Variants in RASAL1 observed in about 807,000 individuals in gnomAD.
The protein encoded by RASAL1 is RAS protein activator like 1.
RASAL1 carries 72 observed loss-of-function variants against 96.6 expected under a neutral mutation model. That is an observed-to-expected ratio of 0.75 (90% CI 0.62 to 0.91). RASAL1 has a LOEUF of 0.91. Among genes scored for constraint, RASAL1 ranks in the 40% least tolerant of loss-of-function variants. The pLI is 0.00. For synonymous variants in RASAL1, 405 were observed against 430.4 expected (o/e 0.94, Z 0.73); for missense variants, 1,016 against 1,072.5 (o/e 0.95, Z 0.74).
intron 20 of RASAL1, among the ~76,000 whole-genome samples, chr12:113,100,390 C>A (rs1371134098): frequency 2.0e-5 from 3 of 152,172 alleles, no homozygotes; most frequent in African/African-American, 7.2e-5. Flanking sequence ...CCTCCACCTC[C>A]TGGGCTCAAG....
intron 16 of RASAL1, 39 bp downstream of exon 16, chr12:113,105,675 C>G (rs1950618023): frequency 6.5e-7 from 1 of 1,536,170 alleles, no homozygotes; most frequent in African/African-American, 1.4e-5. Context: ...TGAAAAAGGC[C>G]ACCCCTGGAA....
In RASAL1 at chr12:113,128,121, G is replaced by A. The variant is rs913700163; in HGVS notation, c.180C>T (p.His60=). Residue 60 remains histidine, a synonymous_variant, in exon 3 of 21, where the codon CAC becomes CAT. Transcript: ENST00000548055. ...CCAGCTGGTGGAAATCCAGAGGCAG[G>A]TGCACCGTGTACTCCTCCCCCCAGA... ...GPFWGEEYTV[H]LPLDFHQLAF... is the part of the protein sequence containing the mutation. The A allele has an allele frequency of 6.2e-7, 1 of 1,613,920 alleles. No homozygotes were observed. The highest frequency in any genetic ancestry group is 8.5e-7 in the Non-Finnish European group (1 of 1,179,986).
chr12:113,102,987 C>A, intron 18 of RASAL1: 1 of 227,314 alleles, frequency 4.4e-6, no homozygotes, highest in South Asian at 4.7e-5. Context: ...CTGCTCTACT[C>A]AGGTCACATT....
intron 4 of RASAL1, 81 bp from the exon 5 acceptor site, chr12:113,121,719 T>C (rs1395815678): frequency 1.3e-6 from 2 of 1,496,832 alleles, no homozygotes; most frequent in African/African-American, 2.8e-5. Context: ...CAATTAACAT[T>C]ATTTTCATTT....
chr12:113,117,200 G>GCCTGCCCTGC, intron 7 of RASAL1, 39 bp from the exon 8 acceptor site: 2 of 1,467,718 alleles, frequency 1.4e-6, no homozygotes, highest in Non-Finnish European at 1.9e-6. Flanking sequence ...CCGGGCCCTG[G>GCCTGCCCTGC]CCTGCCCTGC....
Position 113,099,721 on chromosome 12 carries a change from G to T in RASAL1, c.*208C>A. The stretch of plus-strand genomic sequence containing the variant: ...CAGTCTGAATCAAGCCAGAGGGCAA[G>T]TTTCACTCAGTGCAAGGCTGGCCCC... On this transcript the variant is annotated 3_prime_UTR_variant, in exon 21 of 21. Transcript: ENST00000548055. The T allele has an allele frequency of 1.8e-6, 1 of 557,256 alleles. No homozygotes were observed. The highest frequency in any genetic ancestry group is 2.9e-6 in the Non-Finnish European group (1 of 343,702). The allele number at this position is 557,256 out of a possible 1,614,324, so 34.5% of individuals were successfully genotyped here.
chr12:113,125,818 G>C (rs1951459762), intron 4 of RASAL1, among the ~76,000 whole-genome samples: 2 of 152,188 alleles, frequency 1.3e-5, no homozygotes, highest in Admixed American at 1.3e-4. Context: ...TTGTAGCATT[G>C]CTTGAACCAG....
chr12:113,117,487 T>C lies in RASAL1; in HGVS notation c.643-326A>G, dbSNP rs555753899. On this transcript the variant is annotated intron_variant, in intron 7 of 20. Coordinates refer to ENST00000548055, the MANE Select transcript of RASAL1 (RefSeq NM_001301202.2). ...GTATTTTCAGCTCTGTTTAGGGACA[T>C]AAATTTCTTCTATCAAAAGGCATAA... Among the ~76,000 whole-genome samples, 6 of 152,304 alleles carry C rather than the reference T, an allele frequency of 3.9e-5. No homozygotes were observed. In the South Asian group the frequency reaches 1.0e-3, roughly 26 times the overall value.
rs1481035240 is a variant in RASAL1 at position 113,099,981 on chromosome 12, T to G, written c.2366A>C (p.Glu789Ala). 1.2e-6 allele frequency: 2 copies of G among 1,613,726 alleles called. No individual in the cohort carries two copies. The highest frequency in any genetic ancestry group is 3.3e-5 in the Admixed American group (2 of 60,016). The change falls in exon 21 of 21, where the codon GAG becomes GCG. Residue 789 changes from glutamate (E) to alanine (A), a missense_variant. Coordinates refer to ENST00000548055, the MANE Select transcript of RASAL1 (RefSeq NM_001301202.2). ...VLADLDRAHEEFQQQERGKAA... is the reference protein window; with the variant it reads ...VLADLDRAHEAFQQQERGKAA... The stretch of plus-strand genomic sequence containing the variant: ...CTTCCCTCGCTCCTGCTGCTGGAAC[T>G]CCTCGTGGGCACGATCCAGGTCTGC...
At position 113,112,123 on chromosome 12, in the gene RASAL1, C is replaced by A. The variant is rs777154983; in HGVS notation, c.1337G>T (p.Arg446Leu). 1 of 1,248,144 alleles carries A rather than the reference C, an allele frequency of 8.0e-7. No homozygotes were observed. Among genetic ancestry groups the A allele is most frequent in the Non-Finnish European group, 1.0e-6 (1 of 990,608 alleles). 77.3% of individuals were successfully genotyped at this position (1,248,144 alleles called of 1,614,324 possible). A position where few individuals can be genotyped will look rare whatever the true frequency, so the allele number is the denominator to read the frequency against. Reference protein sequence around the residue: ...AMRLAFKQLHRRVEERFPQAE... With the variant: ...AMRLAFKQLHLRVEERFPQAE... ...CTGGGGGAAGCGCTCCTCCACTCGC[C>A]GGTGCAGCTGCTTGAAGGCGAGGCG... The change falls in exon 13 of 21, where the codon CGG becomes CTG. Residue 446 changes from arginine (R) to leucine (L), a missense_variant. Coordinates refer to ENST00000548055, the MANE Select transcript of RASAL1 (RefSeq NM_001301202.2).
rs778765549 is a variant in RASAL1, at chr12:113,099,667, A to C, written c.*262T>G. On this transcript the variant is annotated 3_prime_UTR_variant, in exon 21 of 21. Transcript: ENST00000548055. Reference sequence around the variant, plus strand: ...AAGTAGAGACCCCAGTCTCAGTCAAATAAGTCAGGTTCCTTATCCTATCCA... The same window carrying C: ...AAGTAGAGACCCCAGTCTCAGTCAACTAAGTCAGGTTCCTTATCCTATCCA... The C allele has an allele frequency of 1.9e-5, 7 of 362,926 alleles. No homozygotes were observed. Among genetic ancestry groups the C allele is most frequent in the Non-Finnish European group, 2.9e-5 (6 of 205,210 alleles). 22.5% of individuals were successfully genotyped at this position (362,926 alleles called of 1,614,324 possible).
intron 4 of RASAL1, among the ~76,000 whole-genome samples, chr12:113,123,309 A>G (rs912011101): frequency 6.6e-6 from 1 of 151,984 alleles, no homozygotes; most frequent in Non-Finnish European, 1.5e-5. Context: ...GTGTTTGCTG[A>G]TCTTTGATTG....
At chr12:113,126,295 AAATT>A (rs1951478296) in intron 4 of RASAL1, among the ~76,000 whole-genome samples, 1 of 152,108 alleles carries the variant, frequency 6.6e-6, no homozygotes, top group African/African-American at 2.4e-5. Flanking sequence ...AAAAATAAAT[AAATT>A]AATTAATTAA....
chr12:113,105,375 T>C (rs1241919595), intron 16 of RASAL1, among the ~76,000 whole-genome samples: 1 of 152,232 alleles, frequency 6.6e-6, no homozygotes, highest in African/African-American at 2.4e-5. Context: ...CACATTCAAT[T>C]TTATGAGTCT....
chr12:113,119,562 T>A, intron 5 of RASAL1, 119 bp from the exon 6 acceptor site: 2 of 997,906 alleles, frequency 2.0e-6, no homozygotes, highest in Non-Finnish European at 3.0e-6. Flanking sequence ...CTGTTCCATG[T>A]AGGGGTCCAG....
intron 4 of RASAL1, among the ~76,000 whole-genome samples, chr12:113,125,723 C>T (rs1312006442): frequency 6.6e-6 from 1 of 152,176 alleles, no homozygotes; most frequent in African/African-American, 2.4e-5. Flanking sequence ...CAAATGTGTG[C>T]ACTCTTTAAT....
At chr12:113,132,374 CT>C (rs376702827) in intron 1 of RASAL1, among the ~76,000 whole-genome samples, 31 of 152,220 alleles carry the variant, frequency 2.0e-4, no homozygotes, top group African/African-American at 7.5e-4. Flanking sequence ...TTCCCCACCC[CT>C]GGCCCCCACA....
At chr12:113,109,215 C>T (rs2136138193) in intron 13 of RASAL1, among the ~76,000 whole-genome samples, 1 of 152,144 alleles carries the variant, frequency 6.6e-6, no homozygotes, top group Admixed American at 6.6e-5. Context: ...ACCACACTCT[C>T]CTGCCATTCA....
intron 1 of RASAL1, among the ~76,000 whole-genome samples, chr12:113,132,538 T>C (rs771002659): frequency 1.3e-5 from 2 of 152,174 alleles, no homozygotes; most frequent in Non-Finnish European, 2.9e-5. Flanking sequence ...CTCTACCTAT[T>C]CAAATGGCCC....
Sources: gnomAD v4.1 joint callset for allele counts (sites outside exome capture counted in the v4.1 genomes callset) on GRCh38, gnomAD v4.1.1 for gene constraint, MANE v1.5 for transcripts, NCBI Gene and HGNC (gene_info 2026-07-23, HGNC 2026-07-21) for gene names.